Variants in RASSF2 observed in about 807,000 individuals in gnomAD.
RASSF2 encodes the protein ras association domain-containing protein 2.
In RASSF2, 34 loss-of-function variants were observed where a neutral mutation model predicts 46.3. That is an observed-to-expected ratio of 0.73 (90% CI 0.56 to 0.98). RASSF2 has a LOEUF of 0.98. RASSF2 is among the 50% of genes least tolerant of loss of function. RASSF2 has a pLI of 0.00. For missense variants in RASSF2, 364 were observed against 431.2 expected, an observed-to-expected ratio of 0.84 and a Z score of 1.38; for synonymous variants, 158 against 162.5, an observed-to-expected ratio of 0.97 and a Z score of 0.21.
intron 2 of RASSF2, among the ~76,000 whole-genome samples, chr20:4,819,576 G>T (rs778552948): frequency 2.6e-5 from 4 of 152,144 alleles, no homozygotes; most frequent in Non-Finnish European, 4.4e-5. Flanking sequence ...CATTGGTTGA[G>T]ACCAGTGGAA....
At chr20:4,786,131 C>T in intron 11 of RASSF2, 100 bp downstream of exon 11, 2 of 957,874 alleles carry the variant, frequency 2.1e-6, no homozygotes, top group Middle Eastern at 3.3e-4. Context: ...AGACTCAGGC[C>T]CATGCAGCAG....
chr20:4,786,664 T>A (rs1166602750), intron 10 of RASSF2, among the ~76,000 whole-genome samples: 1 of 152,204 alleles, frequency 6.6e-6, no homozygotes, highest in Non-Finnish European at 1.5e-5. Flanking sequence ...TAAACCCCTT[T>A]GTTCTCCCCT....
chr20:4,823,446 C>T (rs909568514), intron 1 of RASSF2, 111 bp downstream of exon 1: 7 of 152,440 alleles, frequency 4.6e-5, no homozygotes, highest in African/African-American at 1.7e-4. Flanking sequence ...CAAATCCAGC[C>T]AGGCTGGGCA....
rs934758540 is a variant in RASSF2 at position 4,795,134 on chromosome 20, G to A, written c.287+681C>T. 2 of 152,404 alleles carry A rather than the reference G, an allele frequency of 1.3e-5. No homozygotes were observed. The highest frequency in any genetic ancestry group is 3.9e-4 in the East Asian group (2 of 5,186). The allele number at this position is 152,404 out of a possible 1,614,324, so 9.4% of individuals were successfully genotyped here. A position where few individuals can be genotyped will look rare whatever the true frequency, so the allele number is the denominator to read the frequency against. ...AAGTCCCAGAAAGACAATAAAGAGG[G>A]CATGCCTTGCTAGAGGCATTTGGCG... On this transcript the variant is annotated intron_variant, in intron 5 of 11. Transcript: ENST00000379400. This position sits in a 1 kb window ranked among gnomAD's most constrained non-coding sequence, Gnocchi z 4.0.
At chr20:4,789,744 C>G in intron 7 of RASSF2, 47 bp from the exon 8 acceptor site, 1 of 1,523,552 alleles carries the variant, frequency 6.6e-7, no homozygotes, top group Non-Finnish European at 9.1e-7. Context: ...GAACAAGGAC[C>G]CAGTGCTAAA....
chr20:4,819,151 C>T (rs905875784), intron 2 of RASSF2, among the ~76,000 whole-genome samples: 23 of 152,014 alleles, frequency 1.5e-4, no homozygotes, highest in African/African-American at 5.3e-4. Context: ...TCAGTAGAGA[C>T]GGGGTTTCAC....
chr20:4,792,637 G>C lies in RASSF2; in HGVS notation c.288-10C>G, dbSNP rs2122487818. 6.2e-7 allele frequency: 1 copy of C among 1,613,412 alleles called. No homozygotes were observed. Among genetic ancestry groups the C allele is most frequent in the Middle Eastern group, 1.7e-4 (1 of 6,058 alleles). Reference sequence around the variant, plus strand: ...GGGCTTCAGAGTGGTTCTGGGAGTGGAGAAGACAAAGGGGAGGGGGGAGAC... The same window carrying C: ...GGGCTTCAGAGTGGTTCTGGGAGTGCAGAAGACAAAGGGGAGGGGGGAGAC... On this transcript the variant is annotated splice_polypyrimidine_tract_variant and intron_variant, in intron 5 of 11. Transcript: ENST00000379400.
intron 11 of RASSF2, 87 bp from the exon 12 acceptor site, chr20:4,784,429 G>C: frequency 8.0e-7 from 1 of 1,254,972 alleles, no homozygotes. Context: ...TAACACCAAG[G>C]TCACACCAGG....
intron 9 of RASSF2, 133 bp downstream of exon 9, chr20:4,788,084 C>G: frequency 1.1e-6 from 1 of 882,694 alleles, no homozygotes; most frequent in Non-Finnish European, 1.8e-6. Context: ...GCAAGCCCAT[C>G]AGCCTTGAAG....
At chr20:4,819,165 G>A (rs1041915376) in intron 2 of RASSF2, among the ~76,000 whole-genome samples, 1 of 152,158 alleles carries the variant, frequency 6.6e-6, no homozygotes, top group Non-Finnish European at 1.5e-5. Context: ...GTTTCACCAT[G>A]TTGGTCAGGC....
At chr20:4,787,335 C>G (rs1160578460) in intron 10 of RASSF2, among the ~76,000 whole-genome samples, 2 of 152,190 alleles carry the variant, frequency 1.3e-5, no homozygotes, top group African/African-American at 4.8e-5. Flanking sequence ...CCCCAAAAGC[C>G]TGGGCCTCTG....
At chr20:4,810,808 C>A (rs1927725862) in intron 2 of RASSF2, among the ~76,000 whole-genome samples, 1 of 152,190 alleles carries the variant, frequency 6.6e-6, no homozygotes. Flanking sequence ...AGGCTCCAGG[C>A]AGCCCCAGTC....
chr20:4,791,748 G>A (rs1012972352), intron 6 of RASSF2, among the ~76,000 whole-genome samples: 2 of 152,214 alleles, frequency 1.3e-5, no homozygotes, highest in African/African-American at 4.8e-5. Context: ...AAACTCGTTT[G>A]TCATAGCAGA....
At chr20:4,792,957 G>A in intron 5 of RASSF2, 1 of 314,106 alleles carries the variant, frequency 3.2e-6, no homozygotes, top group South Asian at 3.9e-5. Flanking sequence ...CGTGTTGCCT[G>A]CACTGCTTCT....
chr20:4,810,862 C>T (rs1285100001), intron 2 of RASSF2, among the ~76,000 whole-genome samples: 1 of 152,066 alleles, frequency 6.6e-6, no homozygotes, highest in African/African-American at 2.4e-5. Context: ...ATGGAGAATT[C>T]CCAGGGTGGC....
Position 4,791,312 on chromosome 20 carries a change from T to C in RASSF2, c.377-701A>G, listed in dbSNP as rs77188081. On this transcript the variant is annotated intron_variant, in intron 6 of 11. Transcript: ENST00000379400. ...GGTACAGAGTTTCAGTTTCACAAGA[T>C]GGAAAGAGTTCTGGAGATGGATGGT... Among the ~76,000 whole-genome samples, 721 of 152,272 alleles carry C rather than the reference T, an allele frequency of 4.7e-3. 22 individuals carry two copies. Among genetic ancestry groups the C allele is most frequent in the Admixed American group, 0.03 (458 of 15,300 alleles).
At chr20:4,813,666 G>A (rs115795860) in intron 2 of RASSF2, among the ~76,000 whole-genome samples, 3,037 of 152,352 alleles carry the variant, frequency 0.02, 91 homozygotes, top group African/African-American at 0.069. Context: ...GAGGCAGGGC[G>A]CTGGAGCGGG....
At chr20:4,792,027 G>T (rs1925920104) in intron 6 of RASSF2, among the ~76,000 whole-genome samples, 1 of 152,098 alleles carries the variant, frequency 6.6e-6, no homozygotes, top group African/African-American at 2.4e-5. Context: ...GAGGCGGGCA[G>T]ATCACTTGAA....
chr20:4,796,318 A>G (rs1926350095), intron 4 of RASSF2, among the ~76,000 whole-genome samples: 1 of 152,272 alleles, frequency 6.6e-6, no homozygotes, highest in South Asian at 2.1e-4. Context: ...AACAGAAGCA[A>G]GAACTGGAGT....
Sources: allele counts gnomAD v4.1 joint callset (sites outside exome capture counted in the v4.1 genomes callset), GRCh38; gene constraint gnomAD v4.1.1; non-coding constraint Gnocchi (gnomAD v3.1); transcripts MANE v1.5; gene names NCBI Gene and HGNC (gene_info 2026-07-23, HGNC 2026-07-21).